The following EML2 variants were observed in gnomAD, a reference collection of about 807,000 sequenced individuals.
The protein encoded by EML2 is echinoderm microtubule-associated protein-like 2.
A neutral mutation model predicts 84.7 loss-of-function variants in EML2; 59 were observed. The ratio of observed to expected loss-of-function variants is 0.70; its 90% CI spans 0.56 to 0.86. EML2 has a LOEUF of 0.86. Among genes scored for constraint, EML2 ranks in the 40% least tolerant of loss-of-function variants. The probability of loss-of-function intolerance (pLI) is 0.00; values close to 1 mark genes in which losing one functional copy is unlikely to be tolerated. For missense variants in EML2, 818 were observed against 855.6 expected, an observed-to-expected ratio of 0.96 and a Z score of 0.55; for synonymous variants, 352 against 348.9, an observed-to-expected ratio of 1.01 and a Z score of -0.10.
chr19:45,643,518 A>T, upstream of EML2: 1 of 1,533,148 alleles, frequency 6.5e-7, no homozygotes, highest in Non-Finnish European at 8.7e-7. Flanking sequence ...CATTTTCCCA[A>T]AGTGGGAGGG....
intron 6 of EML2, 60 bp downstream of exon 6, chr19:45,632,801 C>CG (rs1424342951): frequency 4.4e-5 from 61 of 1,395,208 alleles, no homozygotes; most frequent in Non-Finnish European, 5.6e-5. Flanking sequence ...TGAAAAGGTG[C>CG]GGGCACTTGC....
Position 45,620,770 on chromosome 19 carries a change from T to C in EML2, c.1122+437A>G, listed in dbSNP as rs115736261. 2.4e-3 allele frequency: 683 copies of C among 282,606 alleles called. 6 individuals carry two copies. The highest frequency in any genetic ancestry group is 0.014 in the African/African-American group (629 of 45,188). 17.5% of individuals were successfully genotyped at this position (282,606 alleles called of 1,614,324 possible). On this transcript the variant is annotated intron_variant, in intron 11 of 18. Transcript: ENST00000245925. ...GCTTCCCGGTAGGTGAGTTCTTTAA[T>C]TGGGTCAGGGGTAAGGAAGGGAGGG... is the stretch of plus-strand genomic sequence containing the variant.
At position 45,626,187 on chromosome 19, in the gene EML2, T is replaced by A. The variant is rs534357365; in HGVS notation, c.741+518A>T. ...CCACCATGCCCAGCTAATTTTTGTA[T>A]TTTTTGTAGATATGAGGTCTCACCA... is the stretch of plus-strand genomic sequence containing the variant. On this transcript the variant is annotated intron_variant, in intron 8 of 18. Coordinates refer to ENST00000245925, the MANE Select transcript of EML2 (RefSeq NM_012155.4). 9.9e-5 allele frequency among the ~76,000 whole-genome samples: 15 copies of A among 151,750 alleles called. No individual in the cohort carries two copies. The South Asian group carries it at 3.1e-3, about 32-fold the overall frequency.
rs536815217 is a variant in EML2, at chr19:45,618,062, A to T, written c.1255-365T>A. On this transcript the variant is annotated intron_variant, in intron 12 of 18. Coordinates refer to ENST00000245925, the MANE Select transcript of EML2 (RefSeq NM_012155.4). ...ACTTTATTTTTGTTTTTTATTTTTT[A>T]AATTTTTATTTATTTTTTTGAGATG... Among the ~76,000 whole-genome samples the T allele has an allele frequency of 3.5e-3, 525 of 151,786 alleles. 2 individuals carry two copies. The highest frequency in any genetic ancestry group is 0.012 in the African/African-American group (493 of 41,404).
At chr19:45,612,846 C>T (rs1403239365) in intron 18 of EML2, among the ~76,000 whole-genome samples, 2 of 151,992 alleles carry the variant, frequency 1.3e-5, no homozygotes, top group Non-Finnish European at 1.5e-5. Context: ...TGAAACAATC[C>T]CTCTTCTGTT....
intron 7 of EML2, among the ~76,000 whole-genome samples, chr19:45,627,628 CA>C (rs1972529479): frequency 6.6e-6 from 1 of 152,176 alleles, no homozygotes; most frequent in Non-Finnish European, 1.5e-5. Context: ...TCTTCTTCAT[CA>C]TTAACAAAAC....
chr19:45,610,224 C>G (rs528142722), intron 18 of EML2, among the ~76,000 whole-genome samples: 3 of 151,070 alleles, frequency 2.0e-5, no homozygotes, highest in Non-Finnish European at 4.4e-5. Context: ...GGTGAAACCC[C>G]GTTCTCTACT....
At chr19:45,637,662 C>CTTTTTT (rs1206550438) in intron 3 of EML2, among the ~76,000 whole-genome samples, 38 of 45,784 alleles carry the variant, frequency 8.3e-4, no homozygotes, top group East Asian at 6.9e-3. Context: ...TTTTCTTTTT[C>CTTTTTT]TTTTCTTTTT....
chr19:45,621,579 G>C lies in EML2; in HGVS notation c.900C>G (p.Leu300=). 1 of 1,612,332 alleles carries C rather than the reference G, an allele frequency of 6.2e-7. No individual in the cohort carries two copies. The highest frequency in any genetic ancestry group is 8.5e-7 in the Non-Finnish European group (1 of 1,179,938). ...LGAHDGGVFG[L]CALRDGTLVS... is the part of the protein sequence containing the mutation. ...CCAGCGTCCCGTCCCGCAGGGCGCA[G>C]AGCCCAAACACGCCGCCGTCGTGGG... The change falls in exon 10 of 19, where the codon CTC becomes CTG. Residue 300 remains leucine (L), a synonymous_variant. Transcript: ENST00000245925.
intron 17 of EML2, 51 bp from the exon 18 acceptor site, chr19:45,613,722 C>T (rs887368007): frequency 1.9e-6 from 3 of 1,590,510 alleles, no homozygotes; most frequent in South Asian, 1.1e-5. Flanking sequence ...AGCCAGGGAC[C>T]GCCAAGAGGA....
chr19:45,613,473 G>T, intron 18 of EML2, 68 bp downstream of exon 18: 1 of 1,577,594 alleles, frequency 6.3e-7, no homozygotes, highest in South Asian at 1.2e-5. Flanking sequence ...TTGGACCAGA[G>T]CTGCCTGAAT....
At chr19:45,626,902 C>G in intron 7 of EML2, 63 bp from the exon 8 acceptor site, 1 of 1,517,520 alleles carries the variant, frequency 6.6e-7, no homozygotes. Flanking sequence ...CTATACCCGC[C>G]CCTCACAGGA....
At position 45,639,350 on chromosome 19, in the gene EML2, G is replaced by T. The variant is rs1309549580; in HGVS notation, c.20+7C>A. 7.7e-7 allele frequency: 1 copy of T among 1,305,392 alleles called. No homozygotes were observed. Among genetic ancestry groups the T allele is most frequent in the Admixed American group, 3.9e-5 (1 of 25,410 alleles). 80.9% of individuals were successfully genotyped at this position (1,305,392 alleles called of 1,614,324 possible). The stretch of plus-strand genomic sequence containing the variant: ...GAGATGGGGGGTGGTCTGCGAAAGG[G>T]TCTCACCCAGCTCCAAAGCTACTCA... On this transcript the variant is annotated splice_region_variant and intron_variant, in intron 1 of 18. Coordinates refer to ENST00000245925, the MANE Select transcript of EML2 (RefSeq NM_012155.4).
At chr19:45,637,779 CG>C (rs977416144) in intron 3 of EML2, among the ~76,000 whole-genome samples, 1 of 146,370 alleles carries the variant, frequency 6.8e-6, no homozygotes, top group African/African-American at 2.6e-5. Context: ...TGGGTTCAAG[CG>C]ATTCTCCTGT....
At chr19:45,614,788 C>T in intron 16 of EML2, 88 bp from the exon 17 acceptor site, 1 of 1,126,276 alleles carries the variant, frequency 8.9e-7, no homozygotes, top group South Asian at 1.3e-5. Flanking sequence ...AGCTGAGGTC[C>T]AAGACAGAGG....
In EML2 at chr19:45,626,702, C is replaced by CA. The variant is rs745743508; in HGVS notation, c.741+2dup. 1 of 1,612,634 alleles carries CA rather than the reference C, an allele frequency of 6.2e-7. No homozygotes were observed. The highest frequency in any genetic ancestry group is 8.5e-7 in the Non-Finnish European group (1 of 1,179,132). On this transcript the variant is annotated splice_region_variant and intron_variant, in intron 8 of 18. Transcript: ENST00000245925. ...GCCTGTCCCCCAAACCCCTGGCACT[C>CA]ACCTCAAAGAGGCCTTGCCGCTTGC...
chr19:45,619,782 C>G (rs977046582), intron 11 of EML2, among the ~76,000 whole-genome samples: 7 of 152,130 alleles, frequency 4.6e-5, no homozygotes. Flanking sequence ...TGGCCAGGTG[C>G]GGTGGCTCAC....
At chr19:45,626,934 G>A in intron 7 of EML2, 95 bp from the exon 8 acceptor site, 3 of 1,136,048 alleles carry the variant, frequency 2.6e-6, no homozygotes, top group South Asian at 3.6e-5. Flanking sequence ...GGCTGTTTGT[G>A]TTGTATGCTG....
intron 15 of EML2, chr19:45,616,191 G>C: frequency 1.8e-6 from 1 of 549,638 alleles, no homozygotes; most frequent in East Asian, 3.0e-5. Flanking sequence ...GGGCTACACA[G>C]AGGGGCGGTC....
Sources: allele counts gnomAD v4.1 joint callset (sites outside exome capture counted in the v4.1 genomes callset), GRCh38; gene constraint gnomAD v4.1.1; transcripts MANE v1.5; gene names NCBI Gene and HGNC (gene_info 2026-07-23, HGNC 2026-07-21).